The following TTC34 variants were observed in gnomAD, a reference collection of about 807,000 sequenced individuals.
The protein encoded by TTC34 is tetratricopeptide repeat protein 34.
In TTC34, 44 loss-of-function variants were observed where a neutral mutation model predicts 40.7. That is an observed-to-expected ratio of 1.08 (90% CI 0.85 to 1.39). The LOEUF is 1.39. Ranked by LOEUF, TTC34 falls within the 40% of genes most tolerant of loss-of-function variation. The pLI, the probability that TTC34 is intolerant of heterozygous loss-of-function variation, is 0.00. For missense variants in TTC34, 884 were observed against 838.0 expected, an observed-to-expected ratio of 1.05 and a Z score of -0.68; for synonymous variants, 422 against 398.6, an observed-to-expected ratio of 1.06 and a Z score of -0.70.
At chr1:2,752,472 G>A (rs1262614608) in intron 6 of TTC34, among the ~76,000 whole-genome samples, 1,183 of 144,248 alleles carry the variant, frequency 8.2e-3, no homozygotes, top group Admixed American at 0.014. Flanking sequence ...GCACGTGACA[G>A]CCTGGAACAG....
Position 2,645,593 on chromosome 1 carries a change from A to T in TTC34, c.2227-30T>A. 6.9e-7 allele frequency: 1 copy of T among 1,442,656 alleles called. No individual in the cohort carries two copies. Among genetic ancestry groups the T allele is most frequent in the Non-Finnish European group, 9.1e-7 (1 of 1,100,760 alleles). 89.4% of individuals were successfully genotyped at this position (1,442,656 alleles called of 1,614,324 possible). ...AAGGAGGGAGGGCGGGCGGGTGCAG[A>T]GTTGTCCTAAGTAGAGAAACTGGGC... On this transcript the variant is annotated intron_variant, in intron 6 of 8. Transcript: ENST00000401095. The surrounding 1 kb of genome is among the most constrained non-coding windows in gnomAD (Gnocchi z 4.7).
At chr1:2,647,198 C>T (rs527918496) in intron 6 of TTC34, among the ~76,000 whole-genome samples, 1 of 152,086 alleles carries the variant, frequency 6.6e-6, no homozygotes, top group African/African-American at 2.4e-5. Flanking sequence ...GCTGTTATTT[C>T]TTCAAATACC....
chr1:2,797,806 G>A (rs964491589), intron 2 of TTC34, among the ~76,000 whole-genome samples: 2 of 151,886 alleles, frequency 1.3e-5, no homozygotes, highest in East Asian at 1.9e-4. Context: ...TCCCATCCGC[G>A]CTTCCCTCCA....
chr1:2,768,558 T>C (rs575594104), intron 6 of TTC34, among the ~76,000 whole-genome samples: 769 of 151,330 alleles, frequency 5.1e-3, no homozygotes, highest in African/African-American at 0.018. Context: ...GAGCATCTGA[T>C]AGCCTGGATA....
At chr1:2,681,403 C>A (rs61763507) in intron 6 of TTC34, among the ~76,000 whole-genome samples, 1 of 117,996 alleles carries the variant, frequency 8.5e-6, no homozygotes, top group Non-Finnish European at 1.8e-5. Context: ...GAGCATCTGA[C>A]AACCTGGAAC....
chr1:2,681,082 C>A (rs796553670), intron 6 of TTC34, among the ~76,000 whole-genome samples: 257 of 44,680 alleles, frequency 5.8e-3, no homozygotes, highest in South Asian at 0.01. Flanking sequence ...GAGCATCTGA[C>A]AGCCTAGAGC....
intron 6 of TTC34, among the ~76,000 whole-genome samples, chr1:2,651,048 G>T (rs1314513788): frequency 6.9e-6 from 1 of 145,804 alleles, no homozygotes; most frequent in African/African-American, 2.6e-5. Context: ...GCATCTGACA[G>T]CCTAGAACGG....
intron 5 of TTC34, among the ~76,000 whole-genome samples, chr1:2,785,116 C>A (rs138842633): frequency 0.013 from 1,967 of 152,322 alleles, 17 homozygotes; most frequent in Non-Finnish European, 0.019. Flanking sequence ...CCGACATGGG[C>A]AACGCTGCCA....
intron 6 of TTC34, among the ~76,000 whole-genome samples, chr1:2,764,262 C>A (rs1475881490): frequency 3.3e-5 from 5 of 149,986 alleles, no homozygotes; most frequent in Non-Finnish European, 7.4e-5. Context: ...GCACGCACAC[C>A]CCCAGGCGAG....
intron 6 of TTC34, among the ~76,000 whole-genome samples, chr1:2,685,957 C>A (rs1225423640): frequency 2.1e-5 from 2 of 95,368 alleles, no homozygotes; most frequent in African/African-American, 4.9e-5. Flanking sequence ...ACAGCACCCA[C>A]ACCCACAGGC....
intron 6 of TTC34, among the ~76,000 whole-genome samples, chr1:2,695,840 A>AGATGAACATCCGACAGTCT (rs1557626199): frequency 6.6e-6 from 1 of 151,674 alleles, no homozygotes; most frequent in African/African-American, 2.4e-5. Flanking sequence ...CCACACCCCC[A>AGATGAACATCCGACAGTCT]GGTGAACATC....
intron 6 of TTC34, among the ~76,000 whole-genome samples, chr1:2,683,875 CCGAGGCGAGCA>C (rs1640197447): frequency 1.1e-5 from 1 of 94,418 alleles, no homozygotes; most frequent in African/African-American, 4.8e-5. Flanking sequence ...AACCCACACC[CCGAGGCGAGCA>C]TCTGACAGCC....
chr1:2,784,686 G>A (rs1041230693), intron 5 of TTC34, among the ~76,000 whole-genome samples: 1 of 152,012 alleles, frequency 6.6e-6, no homozygotes, highest in African/African-American at 2.4e-5. Flanking sequence ...TACACCCACT[G>A]GTTATTACTA....
chr1:2,684,507 G>A (rs1640228920), intron 6 of TTC34, among the ~76,000 whole-genome samples: 1 of 144,976 alleles, frequency 6.9e-6, no homozygotes, highest in Non-Finnish European at 1.5e-5. Context: ...GCCTGGAACG[G>A]CACCCACACC....
At chr1:2,646,048 GC>G (rs1639015060) in intron 6 of TTC34, among the ~76,000 whole-genome samples, 2 of 152,128 alleles carry the variant, frequency 1.3e-5, no homozygotes, top group Non-Finnish European at 2.9e-5. Context: ...AGGGTAGAAA[GC>G]CCAGTTACTG....
At chr1:2,639,555 C>T (rs1282378164) in exon 9 of TTC34, 2 of 152,562 alleles carry the variant, frequency 1.3e-5, no homozygotes, top group African/African-American at 4.8e-5. Flanking sequence ...ACTTGCGTGT[C>T]CCTGAACTTA....
chr1:2,684,548 C>A (rs1315129641), intron 6 of TTC34, among the ~76,000 whole-genome samples: 2 of 144,174 alleles, frequency 1.4e-5, no homozygotes, highest in East Asian at 4.0e-4. Context: ...CCTGAAACAG[C>A]TCCCACAACC....
rs548727330 is a variant in TTC34, at chr1:2,651,987, T to C, written c.2227-6424A>G. On this transcript the variant is annotated intron_variant, in intron 6 of 8. Transcript: ENST00000401095. ...ACCTCTAAGTGAGCATCTGATGGTC[T>C]GGAGCAGCATCCATACCCCAGGTGA... 6.0e-4 allele frequency among the ~76,000 whole-genome samples: 89 copies of C among 148,760 alleles called. 3 individuals carry two copies. Among genetic ancestry groups the C allele is most frequent in the African/African-American group, 2.2e-3 (86 of 39,718 alleles).
exon 9 of TTC34, chr1:2,641,641 G>T (rs897269910): frequency 2.0e-6 from 3 of 1,535,072 alleles, no homozygotes; most frequent in African/African-American, 2.7e-5. Flanking sequence ...CATCCCCCAG[G>T]CTCAGCAGCA....
Sources: gnomAD v4.1 joint callset for allele counts (sites outside exome capture counted in the v4.1 genomes callset) on GRCh38, gnomAD v4.1.1 for gene constraint, Gnocchi (gnomAD v3.1) non-coding constraint, MANE v1.5 for transcripts, NCBI Gene and HGNC (gene_info 2026-07-23, HGNC 2026-07-21) for gene names.